The following RNF2 variants were observed in gnomAD, a reference collection of about 807,000 sequenced individuals.
RNF2 encodes ring finger protein 2, also known as E3 ubiquitin-protein ligase RING2.
In RNF2, 6 loss-of-function variants were observed where a neutral mutation model predicts 37.2. That is an observed-to-expected ratio of 0.16 (90% CI 0.09 to 0.32). The LOEUF (loss-of-function observed/expected upper bound fraction) is 0.32. Ranked by LOEUF, RNF2 falls within the 10% of genes least tolerant of loss-of-function variation. RNF2 has a pLI of 1.00. For synonymous variants in RNF2, 133 were observed against 132.7 expected, an observed-to-expected ratio of 1.00 and a Z score of -0.02; for missense variants, 251 against 404.0, an observed-to-expected ratio of 0.62 and a Z score of 3.25.
At chr1:185,097,362 T>C (rs1288702543) in intron 4 of RNF2, among the ~76,000 whole-genome samples, 2 of 152,226 alleles carry the variant, frequency 1.3e-5, no homozygotes, top group African/African-American at 4.8e-5. Flanking sequence ...TACTTACTAT[T>C]CTTCTTAACT....
intron 1 of RNF2, among the ~76,000 whole-genome samples, chr1:185,048,701 T>C (rs1208146887): frequency 2.0e-5 from 3 of 152,192 alleles, no homozygotes; most frequent in African/African-American, 7.2e-5. Flanking sequence ...TTCTATGCTA[T>C]AGAGTGGAGT....
intron 4 of RNF2, among the ~76,000 whole-genome samples, chr1:185,093,663 C>T (rs1651832282): frequency 6.6e-6 from 1 of 152,168 alleles, no homozygotes; most frequent in Admixed American, 6.5e-5. Context: ...GATTCTCAGA[C>T]CTCGCGTTAC....
chr1:185,096,145 T>C (rs958869683), intron 4 of RNF2, among the ~76,000 whole-genome samples: 1 of 152,232 alleles, frequency 6.6e-6, no homozygotes, highest in African/African-American at 2.4e-5. Context: ...CAAATAACTT[T>C]TCATTTGCTT....
rs1185658330 is a variant in RNF2, at chr1:185,061,681, A to T, written c.-3+16032A>T. On this transcript the variant is annotated intron_variant, in intron 1 of 6. Transcript: ENST00000367510. Reference sequence around the variant, plus strand: ...TTAATATGCAGTATACCTCTTTTTGACTTAGAAGATAAAAGATTAGAGGAA... The same window carrying T: ...TTAATATGCAGTATACCTCTTTTTGTCTTAGAAGATAAAAGATTAGAGGAA... Among the ~76,000 whole-genome samples the T allele has an allele frequency of 3.3e-5, 5 of 152,260 alleles. No individual in the cohort carries two copies. In the East Asian group the frequency reaches 9.6e-4, roughly 29 times the overall value.
In RNF2 at chr1:185,093,211, G is replaced by A; in HGVS notation, c.399G>A (p.Lys133=). The A allele has an allele frequency of 6.2e-7, 1 of 1,614,066 alleles. No homozygotes were observed. Among genetic ancestry groups the A allele is most frequent in the Non-Finnish European group, 8.5e-7 (1 of 1,179,988 alleles). The change falls in exon 4 of 7, where the codon AAG becomes AAA. Residue 133 remains lysine (K), a synonymous_variant. Transcript: ENST00000367510. ...HQERVLARIN[K]HNNQQALSHS... ...AGAGAGTATTAGCCAGGATCAACAA[G>A]CACAATAATCAGCAAGCACTCAGTC...
At chr1:185,096,916 A>G (rs911927815) in intron 4 of RNF2, among the ~76,000 whole-genome samples, 6 of 151,850 alleles carry the variant, frequency 4.0e-5, no homozygotes, top group African/African-American at 1.5e-4. Context: ...TTCTGGCAGT[A>G]AACATAATGA....
At chr1:185,093,623 G>A (rs1651831125) in intron 4 of RNF2, among the ~76,000 whole-genome samples, 1 of 151,950 alleles carries the variant, frequency 6.6e-6, no homozygotes, top group East Asian at 1.9e-4. Flanking sequence ...AATGTTATTA[G>A]TGATCTCTTC....
intron 1 of RNF2, among the ~76,000 whole-genome samples, chr1:185,058,410 C>T (rs933327052): frequency 6.6e-6 from 1 of 152,006 alleles, no homozygotes. Context: ...CTTTTTTTCT[C>T]CCAGAGGTGA....
intron 1 of RNF2, among the ~76,000 whole-genome samples, chr1:185,086,764 A>C (rs967877153): frequency 1.3e-5 from 2 of 152,252 alleles, no homozygotes; most frequent in Admixed American, 1.3e-4. Flanking sequence ...GAAAAGAGGC[A>C]GAATGACTAG....
In RNF2 at chr1:185,048,163, G is replaced by C. The variant is rs528382354; in HGVS notation, c.-3+2514G>C. Among the ~76,000 whole-genome samples the C allele has an allele frequency of 3.3e-5, 5 of 152,248 alleles. No individual in the cohort carries two copies. In the East Asian group the frequency reaches 9.7e-4, roughly 29 times the overall value. The stretch of plus-strand genomic sequence containing the variant: ...TTTTGACTGTGGTCATGGGACTCTT[G>C]GCATTTAAGTAGAAGCTAGTGTTAG... On this transcript the variant is annotated intron_variant, in intron 1 of 6. Transcript: ENST00000367510.
chr1:185,077,060 G>C (rs542320032), intron 1 of RNF2, among the ~76,000 whole-genome samples: 1 of 151,972 alleles, frequency 6.6e-6, no homozygotes, highest in Non-Finnish European at 1.5e-5. Context: ...TATAAATTTT[G>C]TTGCTATCGT....
At chr1:185,083,131 A>G (rs912395552) in intron 1 of RNF2, among the ~76,000 whole-genome samples, 1 of 152,208 alleles carries the variant, frequency 6.6e-6, no homozygotes. Context: ...GCTAATACGG[A>G]ACAAAGCCTC....
At chr1:185,091,081 C>G (rs908913890) in intron 2 of RNF2, among the ~76,000 whole-genome samples, 8 of 152,034 alleles carry the variant, frequency 5.3e-5, no homozygotes, top group Non-Finnish European at 4.4e-5. Flanking sequence ...ACTAGAGAAA[C>G]TTTTATTGGA....
intron 1 of RNF2, among the ~76,000 whole-genome samples, chr1:185,086,368 T>TA (rs1651601206): frequency 6.6e-6 from 1 of 152,100 alleles, no homozygotes; most frequent in Admixed American, 6.5e-5. Context: ...GAGTTTTTTT[T>TA]ATCTACAACC....
chr1:185,090,569 T>C (rs1242098377), intron 2 of RNF2, among the ~76,000 whole-genome samples: 4 of 152,242 alleles, frequency 2.6e-5, no homozygotes, highest in Non-Finnish European at 4.4e-5. Context: ...ATAGTTTCTA[T>C]ATTTTTCTTT....
chr1:185,073,734 A>G (rs1430564473), intron 1 of RNF2, among the ~76,000 whole-genome samples: 5 of 152,238 alleles, frequency 3.3e-5, no homozygotes, highest in African/African-American at 1.2e-4. Context: ...ATGTCAATCA[A>G]AGATAATAAA....
intron 1 of RNF2, among the ~76,000 whole-genome samples, chr1:185,048,754 A>G (rs1650185810): frequency 6.6e-6 from 1 of 152,156 alleles, no homozygotes; most frequent in Admixed American, 6.5e-5. Context: ...ATAGAATGAA[A>G]ATCACATGTA....
In RNF2 at chr1:185,082,364, T is replaced by TTTTTTTTTTTTTTTG. The variant is rs1173750596; in HGVS notation, c.-2-5185_-2-5184insTTTTTTTTTTTGTTT. On this transcript the variant is annotated intron_variant, in intron 1 of 6. Coordinates refer to ENST00000367510, the MANE Select transcript of RNF2 (RefSeq NM_007212.4). ...GCAGAACTTTTTTTTTTTTTTTTTTTTTTGAAGACAGAGTCTTGCTCTGTT... is the reference window on the plus strand; with the variant it reads ...GCAGAACTTTTTTTTTTTTTTTTTTTTTTTTTTTTTTTTTGTTTGAAGACAGAGTCTTGCTCTGTT... Among the ~76,000 whole-genome samples the TTTTTTTTTTTTTTTG allele has an allele frequency of 1.7e-5, 2 of 114,890 alleles. 1 individual carries two copies. The highest frequency in any genetic ancestry group is 3.8e-5 in the Non-Finnish European group (2 of 53,056). The allele number at this position is 114,890 out of a possible 152,430, so 75.4% of individuals were successfully genotyped here.
intron 1 of RNF2, among the ~76,000 whole-genome samples, chr1:185,050,606 GAAATA>G (rs927736787): frequency 6.6e-5 from 10 of 152,134 alleles, no homozygotes; most frequent in African/African-American, 2.4e-4. Context: ...GTGGCTGATG[GAAATA>G]AAATATTGAT....
Sources: gnomAD v4.1 joint callset for allele counts (sites outside exome capture counted in the v4.1 genomes callset) on GRCh38, gnomAD v4.1.1 for gene constraint, MANE v1.5 for transcripts, NCBI Gene and HGNC (gene_info 2026-07-23, HGNC 2026-07-21) for gene names.